Variants in CDH8 observed in about 807,000 individuals in gnomAD.
CDH8 encodes cadherin-8.
Under a neutral mutation model 68.1 loss-of-function variants are expected in CDH8, and 17 were observed. The observed-to-expected ratio is 0.25, with a 90% CI of 0.17 to 0.37. CDH8 has a LOEUF of 0.37. CDH8 is among the 10% of genes least tolerant of loss of function. The pLI is 1.00. For synonymous variants in CDH8, 372 were observed against 365.1 expected, an observed-to-expected ratio of 1.02 and a Z score of -0.21; for missense variants, 763 against 999.3, an observed-to-expected ratio of 0.76 and a Z score of 3.19.
chr16:61,690,934 AT>A (rs537395881), intron 10 of CDH8, among the ~76,000 whole-genome samples: 28 of 151,902 alleles, frequency 1.8e-4, no homozygotes, highest in Non-Finnish European at 3.8e-4. Flanking sequence ...ATTACTCAAA[AT>A]CTCCCTGAGT....
At chr16:61,713,475 A>G (rs1567436159) in intron 10 of CDH8, among the ~76,000 whole-genome samples, 1 of 151,700 alleles carries the variant, frequency 6.6e-6, no homozygotes, top group Non-Finnish European at 1.5e-5. Flanking sequence ...CGTGGTAAAC[A>G]TTCAATTAAA....
chr16:61,856,284 A>C (rs1448693808), intron 4 of CDH8, among the ~76,000 whole-genome samples: 1 of 152,146 alleles, frequency 6.6e-6, no homozygotes, highest in Non-Finnish European at 1.5e-5. Context: ...TACAAAAAAA[A>C]TTGCTTTTTA....
intron 1 of CDH8, among the ~76,000 whole-genome samples, chr16:62,024,963 G>A (rs1434658506): frequency 6.6e-6 from 1 of 152,134 alleles, no homozygotes; most frequent in African/African-American, 2.4e-5. Flanking sequence ...GCTCTCTTCA[G>A]GAAGCAAAGA....
chr16:61,773,244 TGTCTA>T (rs781566062), intron 8 of CDH8, among the ~76,000 whole-genome samples: 1 of 152,070 alleles, frequency 6.6e-6, no homozygotes, highest in Non-Finnish European at 1.5e-5. Context: ...CAGAGAACAC[TGTCTA>T]TCCCATGTAG....
intron 2 of CDH8, among the ~76,000 whole-genome samples, chr16:62,014,523 G>A (rs528454910): frequency 1.5e-4 from 23 of 152,232 alleles, no homozygotes; most frequent in African/African-American, 5.3e-4. Context: ...GTAGTCCAAC[G>A]CTCTTAACAT....
At chr16:61,691,688 G>C (rs545923511) in intron 10 of CDH8, 1 of 151,492 alleles carries the variant, frequency 6.6e-6, no homozygotes, top group Admixed American at 6.6e-5. Context: ...CAGGAACACA[G>C]TTCACTCTTG....
At position 62,013,237 on chromosome 16, in the gene CDH8, G is replaced by C. The variant is rs1295100168; in HGVS notation, c.252+7915C>G. 7.8e-5 allele frequency among the ~76,000 whole-genome samples: 2 copies of C among 25,492 alleles called. 1 individual carries two copies. Among genetic ancestry groups the C allele is most frequent in the East Asian group, 8.1e-3 (2 of 246 alleles). The allele number at this position is 25,492 out of a possible 152,430, so 16.7% of individuals were successfully genotyped here. A position where few individuals can be genotyped will look rare whatever the true frequency, so the allele number is the denominator to read the frequency against. On this transcript the variant is annotated intron_variant, in intron 2 of 11. Coordinates refer to ENST00000577390, the MANE Select transcript of CDH8 (RefSeq NM_001796.5). ...GCCACTGCAGTCCGCAGTCCGGCCT[G>C]GGCGACAGAGCGAGACTCCGTCTCA...
intron 2 of CDH8, among the ~76,000 whole-genome samples, chr16:61,936,094 T>C (rs1964622896): frequency 6.6e-6 from 1 of 152,158 alleles, no homozygotes; most frequent in African/African-American, 2.4e-5. Flanking sequence ...ATAGTAATAC[T>C]TACCTTATAA....
At chr16:61,963,507 T>C (rs1477657280) in intron 2 of CDH8, among the ~76,000 whole-genome samples, 2 of 152,206 alleles carry the variant, frequency 1.3e-5, no homozygotes, top group Admixed American at 6.5e-5. Flanking sequence ...TTAAATTCTG[T>C]CTAGATGCTG....
chr16:61,830,078 T>C (rs1962423569), intron 4 of CDH8, among the ~76,000 whole-genome samples: 1 of 151,884 alleles, frequency 6.6e-6, no homozygotes, highest in Non-Finnish European at 1.5e-5. Context: ...AGCCTTACTA[T>C]TCTCTTCTAC....
At chr16:61,701,863 T>C (rs2142849983) in intron 10 of CDH8, among the ~76,000 whole-genome samples, 1 of 152,332 alleles carries the variant, frequency 6.6e-6, no homozygotes, top group South Asian at 2.1e-4. Context: ...TTATTCTAGA[T>C]ATTTCAATGT....
rs867676083 is a variant in CDH8, at chr16:61,964,954, C to G, written c.252+56198G>C. Among the ~76,000 whole-genome samples, 6 of 152,274 alleles carry G rather than the reference C, an allele frequency of 3.9e-5. No homozygotes were observed. In the Middle Eastern group the frequency reaches 0.01, roughly 259 times the overall value. On this transcript the variant is annotated intron_variant, in intron 2 of 11. Transcript: ENST00000577390. ...TCCTACTCAGCTCTACATAATCTGG[C>G]CTCTACCACAGAAGCCTTTGAGTTC... is the stretch of plus-strand genomic sequence containing the variant.
rs539558554 is a variant in CDH8 at position 61,929,058 on chromosome 16, G to A, written c.253-27585C>T. On this transcript the variant is annotated intron_variant, in intron 2 of 11. Coordinates refer to ENST00000577390, the MANE Select transcript of CDH8 (RefSeq NM_001796.5). The stretch of plus-strand genomic sequence containing the variant: ...CGAGTAGCTGGGACTACAGGTGCCC[G>A]CCACCATGCCCAGCTAATTTTTTTG... Among the ~76,000 whole-genome samples, 375 of 152,150 alleles carry A rather than the reference G, an allele frequency of 2.5e-3. 3 individuals carry two copies. Among genetic ancestry groups the A allele is most frequent in the African/African-American group, 8.5e-3 (352 of 41,520 alleles).
At chr16:61,909,546 T>C (rs996356027) in intron 2 of CDH8, among the ~76,000 whole-genome samples, 1 of 152,166 alleles carries the variant, frequency 6.6e-6, no homozygotes, top group Non-Finnish European at 1.5e-5. Context: ...ATGTAATCCA[T>C]TGAGTCAGAT....
chr16:62,024,111 T>C (rs779035062), intron 1 of CDH8, among the ~76,000 whole-genome samples: 3 of 151,956 alleles, frequency 2.0e-5, no homozygotes, highest in Non-Finnish European at 2.9e-5. Context: ...ACAGCTGGGG[T>C]TACAGGCATG....
At chr16:61,771,461 T>G (rs1316268149) in intron 8 of CDH8, among the ~76,000 whole-genome samples, 1 of 71,282 alleles carries the variant, frequency 1.4e-5, no homozygotes, top group South Asian at 4.2e-4. Context: ...AAGCTGTATT[T>G]AAAAGCCAGC....
At chr16:62,027,803 C>T (rs1056774965) in intron 1 of CDH8, among the ~76,000 whole-genome samples, 1 of 152,118 alleles carries the variant, frequency 6.6e-6, no homozygotes, top group Non-Finnish European at 1.5e-5. Flanking sequence ...ATAAATAATA[C>T]AGGAAGATCA....
chr16:61,815,980 C>T (rs1405692689), intron 7 of CDH8, among the ~76,000 whole-genome samples: 1 of 152,000 alleles, frequency 6.6e-6, no homozygotes, highest in Non-Finnish European at 1.5e-5. Context: ...GATATTCCTC[C>T]CATTGCATTC....
At chr16:61,701,594 G>A (rs1471800005) in intron 10 of CDH8, among the ~76,000 whole-genome samples, 1 of 152,170 alleles carries the variant, frequency 6.6e-6, no homozygotes, top group Non-Finnish European at 1.5e-5. Flanking sequence ...TTAAATGGTA[G>A]TTTTGCAAAT....
Sources: allele counts gnomAD v4.1 joint callset (sites outside exome capture counted in the v4.1 genomes callset), GRCh38; gene constraint gnomAD v4.1.1; transcripts MANE v1.5; gene names NCBI Gene and HGNC (gene_info 2026-07-23, HGNC 2026-07-21).